HHEX: variants seen among roughly 807,000 people sequenced by gnomAD.
HHEX encodes the protein hematopoietically-expressed homeobox protein HHEX.
A neutral mutation model predicts 27.0 loss-of-function variants in HHEX; 8 were observed. The observed-to-expected ratio is 0.30, with a 90% CI of 0.17 to 0.54. The LOEUF is 0.54. HHEX is among the 20% of genes least tolerant of loss of function. The pLI is 0.95. For missense variants in HHEX, 326 were observed against 357.2 expected, an observed-to-expected ratio of 0.91 and a Z score of 0.70; for synonymous variants, 164 against 161.5, an observed-to-expected ratio of 1.02 and a Z score of -0.12.
intron 3 of HHEX, among the ~76,000 whole-genome samples, 169 bp from the exon 4 acceptor site, chr10:92,694,378 T>G (rs1845384525): frequency 6.6e-6 from 1 of 152,174 alleles, no homozygotes; most frequent in Admixed American, 6.5e-5. Context: ...TCTTCCAAAG[T>G]GAGCAAAAAG....
At chr10:92,691,083 CG>C (rs1181729139) in intron 1 of HHEX, among the ~76,000 whole-genome samples, 11 of 151,884 alleles carry the variant, frequency 7.2e-5, no homozygotes, top group Admixed American at 5.2e-4. Context: ...AGCAAAATCT[CG>C]AAAAAACAAT....
rs1358561526 is a variant in HHEX, at chr10:92,694,612, A to G, written c.657A>G (p.Gln219=). The G allele has an allele frequency of 1.2e-6, 2 of 1,614,060 alleles. No homozygotes were observed. The highest frequency in any genetic ancestry group is 1.7e-6 in the Non-Finnish European group (2 of 1,180,014). Residue 219 remains glutamine, a synonymous_variant, in exon 4 of 4, where the codon CAA becomes CAG. Coordinates refer to ENST00000282728, the MANE Select transcript of HHEX (RefSeq NM_002729.5). ...TGGACAGTTCCTGTGATCAGAGGCA[A>G]GATTTGCCCAGTGAACAGAATAAAG... The part of the protein sequence containing the change: ...ESLDSSCDQR[Q]DLPSEQNKGA...
At chr10:92,691,556 C>T (rs1243199471) in intron 1 of HHEX, 1 of 152,210 alleles carries the variant, frequency 6.6e-6, no homozygotes, top group Non-Finnish European at 1.5e-5. Flanking sequence ...GTTATCCTGT[C>T]TGTCTGATTC....
At position 92,689,983 on chromosome 10, in the gene HHEX, A is replaced by T. The variant is rs1350123032; in HGVS notation, c.-4A>T. 2.8e-6 allele frequency: 4 copies of T among 1,403,826 alleles called. No individual in the cohort carries two copies. In the African/African-American group the frequency reaches 6.1e-5, roughly 21 times the overall value. 87.0% of individuals were successfully genotyped at this position (1,403,826 alleles called of 1,614,324 possible). A position where few individuals can be genotyped will look rare whatever the true frequency, so the allele number is the denominator to read the frequency against. On this transcript the variant is annotated 5_prime_UTR_variant, in exon 1 of 4. Transcript: ENST00000282728. ...TCTGCGAGGGGCCGGAGCGCGGCGG[A>T]GCCATGCAGTACCCGCACCCCGGGC...
Position 92,695,362 on chromosome 10 carries a change from T to C in HHEX, c.*594T>C, listed in dbSNP as rs186282501. 242 of 153,452 alleles carry C rather than the reference T, an allele frequency of 1.6e-3. 2 individuals are homozygous for C. Among genetic ancestry groups the C allele is most frequent in the Non-Finnish European group, 2.5e-3 (170 of 68,592 alleles). The allele number at this position is 153,452 out of a possible 1,614,324, so 9.5% of individuals were successfully genotyped here. A position where few individuals can be genotyped will look rare whatever the true frequency, so the allele number is the denominator to read the frequency against. On this transcript the variant is annotated 3_prime_UTR_variant, in exon 4 of 4. Coordinates refer to ENST00000282728, the MANE Select transcript of HHEX (RefSeq NM_002729.5). ...AGATATGGTTGATGAGAATCTTAAATGCTTGTTTTGCACTATCACTTAGTA... is the reference window on the plus strand; with the variant it reads ...AGATATGGTTGATGAGAATCTTAAACGCTTGTTTTGCACTATCACTTAGTA...
intron 3 of HHEX, among the ~76,000 whole-genome samples, chr10:92,693,548 A>G (rs1487129000): frequency 6.6e-6 from 1 of 152,228 alleles, no homozygotes; most frequent in African/African-American, 2.4e-5. Flanking sequence ...TTTAAAGCAA[A>G]GTGGATTTTA....
At chr10:92,690,419 G>C in intron 1 of HHEX, 72 bp downstream of exon 1, 1 of 1,381,564 alleles carries the variant, frequency 7.2e-7, no homozygotes. Flanking sequence ...GAGGCCGAGG[G>C]GGCGAAGGGG....
chr10:92,694,493 A>G (rs1589623530), intron 3 of HHEX, 54 bp from the exon 4 acceptor site: 3 of 1,297,718 alleles, frequency 2.3e-6, no homozygotes, highest in Non-Finnish European at 3.3e-6. Flanking sequence ...TATTCCTCTC[A>G]CCTATCCATA....
chr10:92,690,866 C>T (rs903071140), intron 1 of HHEX, among the ~76,000 whole-genome samples: 1 of 152,212 alleles, frequency 6.6e-6, no homozygotes, highest in Non-Finnish European at 1.5e-5. Flanking sequence ...CAGACCCTTC[C>T]CCCGGAGTAG....
chr10:92,692,905 A>G (rs1030893427), intron 3 of HHEX, among the ~76,000 whole-genome samples, 153 bp downstream of exon 3: 6 of 152,234 alleles, frequency 3.9e-5, no homozygotes, highest in Non-Finnish European at 8.8e-5. Flanking sequence ...GAAATTCAGG[A>G]TGAGTTGCTC....
intron 3 of HHEX, among the ~76,000 whole-genome samples, chr10:92,693,035 C>A (rs1589623044): frequency 6.6e-6 from 1 of 152,306 alleles, no homozygotes; most frequent in Middle Eastern, 3.4e-3. Flanking sequence ...TGTTGTTTAT[C>A]TAATTAACGC....
chr10:92,694,924 C>T lies in HHEX; in HGVS notation c.*156C>T. 1.6e-6 allele frequency: 1 copy of T among 622,972 alleles called. No homozygotes were observed. The highest frequency in any genetic ancestry group is 2.8e-6 in the Non-Finnish European group (1 of 355,960). 38.6% of individuals were successfully genotyped at this position (622,972 alleles called of 1,614,324 possible). On this transcript the variant is annotated 3_prime_UTR_variant, in exon 4 of 4. Coordinates refer to ENST00000282728, the MANE Select transcript of HHEX (RefSeq NM_002729.5). The stretch of plus-strand genomic sequence containing the variant: ...AATATTTGGTGCACTGCTCAATTAA[C>T]AAACCTACATGGAGACCTTAATTTT...
rs2135942352 is a variant in HHEX, at chr10:92,694,815, G to A, written c.*47G>A. On this transcript the variant is annotated 3_prime_UTR_variant, in exon 4 of 4. Transcript: ENST00000282728. Reference sequence around the variant, plus strand: ...TCAGAAAACTGGATTTAGGAATAATGTTTTGCTACAGAAAATCTTCATAGA... The same window carrying A: ...TCAGAAAACTGGATTTAGGAATAATATTTTGCTACAGAAAATCTTCATAGA... 7.4e-7 allele frequency: 1 copy of A among 1,360,452 alleles called. No individual in the cohort carries two copies. Among genetic ancestry groups the A allele is most frequent in the Non-Finnish European group, 1.0e-6 (1 of 959,424 alleles). The allele number at this position is 1,360,452 out of a possible 1,614,324, so 84.3% of individuals were successfully genotyped here.
chr10:92,693,041 A>G (rs952852646), intron 3 of HHEX, among the ~76,000 whole-genome samples: 10 of 152,254 alleles, frequency 6.6e-5, no homozygotes, highest in Non-Finnish European at 1.5e-4. Flanking sequence ...TTATCTAATT[A>G]ACGCAGGAAA....
At position 92,690,220 on chromosome 10, in the gene HHEX, C is replaced by T. The variant is rs1845337975; in HGVS notation, c.234C>T (p.Ala78=). 2.5e-6 allele frequency: 4 copies of T among 1,572,722 alleles called. No individual in the cohort carries two copies. The highest frequency in any genetic ancestry group is 1.2e-5 in the South Asian group (1 of 85,850). ...PVYEPTPIHP[A]FSHHSAAALA... is the part of the protein sequence containing the mutation. ...ACGAGCCCACGCCGATCCATCCAGC[C>T]TTCTCGCACCACTCCGCCGCCGCGC... The change falls in exon 1 of 4, where the codon GCC becomes GCT. Residue 78 remains alanine, a synonymous_variant. Coordinates refer to ENST00000282728, the MANE Select transcript of HHEX (RefSeq NM_002729.5).
In HHEX at chr10:92,693,218, G is replaced by A. The variant is rs552192088; in HGVS notation, c.591+466G>A. On this transcript the variant is annotated intron_variant, in intron 3 of 3. Transcript: ENST00000282728. ...GTTTTTTAGAAGAATTAAATGTCAG[G>A]GAGTTTAAAAATTATTTTCTATCTA... is the stretch of plus-strand genomic sequence containing the variant. Among the ~76,000 whole-genome samples, 35 of 152,208 alleles carry A rather than the reference G, an allele frequency of 2.3e-4. No individual in the cohort carries two copies. The South Asian group carries it at 7.3e-3, about 32-fold the overall frequency.
At chr10:92,692,825 T>C in intron 3 of HHEX, 73 bp downstream of exon 3, 1 of 1,264,928 alleles carries the variant, frequency 7.9e-7, no homozygotes, top group Non-Finnish European at 1.2e-6. Flanking sequence ...CTGTTATGGG[T>C]TGTATGCAAA....
Position 92,690,161 on chromosome 10 carries a change from A to C in HHEX, c.175A>C (p.Thr59Pro). 1 of 1,555,154 alleles carries C rather than the reference A, an allele frequency of 6.4e-7. No homozygotes were observed. Among genetic ancestry groups the C allele is most frequent in the South Asian group, 1.2e-5 (1 of 84,516 alleles). ...PTLPSPNSSF[T>P]SLVSPYRTPV... is the part of the protein sequence containing the mutation. ...GCTGCCGTCCCCCAACTCCTCCTTC[A>C]CCAGCCTCGTGTCCCCCTACCGGAC... Residue 59 changes from threonine (T) to proline (P), a missense_variant, in exon 1 of 4, where the codon ACC (threonine) becomes CCC (proline). Around this residue, in one of 4 missense-constraint regions of HHEX, gnomAD observed 215 missense variants for 196.4 expected, o/e 1.09. Transcript: ENST00000282728.
chr10:92,694,180 A>C (rs1845381861), intron 3 of HHEX, among the ~76,000 whole-genome samples: 1 of 152,368 alleles, frequency 6.6e-6, no homozygotes, highest in Admixed American at 6.5e-5. Context: ...TTAAAGAATG[A>C]AGTTAAGGTG....
Sources: allele counts gnomAD v4.1 joint callset (sites outside exome capture counted in the v4.1 genomes callset), GRCh38; gene constraint gnomAD v4.1.1; regional missense constraint gnomAD v4.1.1; transcripts MANE v1.5; gene names NCBI Gene and HGNC (gene_info 2026-07-23, HGNC 2026-07-21).